CMKLR1: variants seen among roughly 807,000 people sequenced by gnomAD.
The protein encoded by CMKLR1 is chemerin-like receptor 1.
A neutral mutation model predicts 8.2 loss-of-function variants in CMKLR1; 6 were observed. The observed-to-expected ratio is 0.73, with a 90% CI of 0.40 to 1.44. CMKLR1 has a LOEUF of 1.44. CMKLR1 is among the 40% of genes most tolerant of loss of function. The pLI, the probability that CMKLR1 is intolerant of heterozygous loss-of-function variation, is 0.02. For missense variants in CMKLR1, 429 were observed against 478.0 expected (o/e 0.90, Z 0.96); for synonymous variants, 178 against 181.2 (o/e 0.98, Z 0.14).
Position 108,292,770 on chromosome 12 carries a change from CA to C in CMKLR1, c.192del (p.Ile64MetfsTer6). 6.2e-7 allele frequency: 1 copy of C among 1,614,156 alleles called. No individual in the cohort carries two copies. The highest frequency in any genetic ancestry group is 8.5e-7 in the Non-Finnish European group (1 of 1,180,030). On this transcript the variant is annotated frameshift_variant, in exon 4 of 4. Coordinates refer to ENST00000550402, the MANE Select transcript of CMKLR1 (RefSeq NM_001142343.2). LOFTEE classifies it low-confidence loss of function (END_TRUNC). Reference sequence around the variant, plus strand: ...ACTGTCTTCTTCATCTTGAAGGTGGCAATGATGATCACCAGACCATTGCCCA... The same window carrying C: ...ACTGTCTTCTTCATCTTGAAGGTGGCATGATGATCACCAGACCATTGCCCA... ...GILGNGLVII[I>X]ATFKMKKTVN...
At chr12:108,337,559 C>T (rs966984414) in intron 1 of CMKLR1, among the ~76,000 whole-genome samples, 1 of 152,052 alleles carries the variant, frequency 6.6e-6, no homozygotes, top group Admixed American at 6.5e-5. Context: ...GTGGTAGGAG[C>T]CGTGATAAGG....
At chr12:108,329,764 T>G (rs1028871930) in intron 2 of CMKLR1, among the ~76,000 whole-genome samples, 2 of 152,206 alleles carry the variant, frequency 1.3e-5, no homozygotes, top group Admixed American at 6.5e-5. Context: ...CTGTATCCCA[T>G]GCTCCTAGCA....
chr12:108,292,288 G>C lies in CMKLR1; in HGVS notation c.675C>G (p.Phe225Leu), dbSNP rs779501834. The C allele has an allele frequency of 6.2e-7, 1 of 1,614,194 alleles. No homozygotes were observed. Among genetic ancestry groups the C allele is most frequent in the Non-Finnish European group, 8.5e-7 (1 of 1,180,030 alleles). The change falls in exon 4 of 4, where the codon TTC (phenylalanine) becomes TTG (leucine). Residue 225 changes from phenylalanine (F) to leucine (L), a missense_variant. Coordinates refer to ENST00000550402, the MANE Select transcript of CMKLR1 (RefSeq NM_001142343.2). ...GGACTGGGACCAGGAAGCCACAGAG[G>C]AAGCGGGTGACAGTCACCACCATGT... ...SRHMVVTVTR[F>L]LCGFLVPVLI...
intron 1 of CMKLR1, among the ~76,000 whole-genome samples, chr12:108,333,665 G>C (rs1892158464): frequency 6.6e-6 from 1 of 152,180 alleles, no homozygotes; most frequent in Admixed American, 6.5e-5. Context: ...GGCTCAGGAG[G>C]TTAAAGTTCA....
At position 108,293,650 on chromosome 12, in the gene CMKLR1, C is replaced by T; in HGVS notation, c.-59G>A. On this transcript the variant is annotated 5_prime_UTR_variant, in exon 3 of 4. Coordinates refer to ENST00000550402, the MANE Select transcript of CMKLR1 (RefSeq NM_001142343.2). ...AGTCCTCAGCCAATCAGTCCCTGTA[C>T]ACAGCTAGAAACACCTGTAGGGAAA... 7.9e-7 allele frequency: 1 copy of T among 1,262,648 alleles called. No individual in the cohort carries two copies. The highest frequency in any genetic ancestry group is 1.1e-6 in the Non-Finnish European group (1 of 901,070). The allele number at this position is 1,262,648 out of a possible 1,614,324, so 78.2% of individuals were successfully genotyped here. A position where few individuals can be genotyped will look rare whatever the true frequency, so the allele number is the denominator to read the frequency against.
chr12:108,327,797 G>A (rs1447396478), intron 2 of CMKLR1, among the ~76,000 whole-genome samples: 1 of 152,224 alleles, frequency 6.6e-6, no homozygotes, highest in East Asian at 1.9e-4. Flanking sequence ...AAGGCTCTTG[G>A]AAGGAAGAAC....
At chr12:108,333,044 C>T (rs1593181570) in intron 1 of CMKLR1, among the ~76,000 whole-genome samples, 2 of 152,158 alleles carry the variant, frequency 1.3e-5, no homozygotes, top group Non-Finnish European at 2.9e-5. Context: ...ACCACAGGGC[C>T]TGCCCTCTTC....
At chr12:108,335,679 C>G (rs1029739182) in intron 1 of CMKLR1, among the ~76,000 whole-genome samples, 1 of 152,244 alleles carries the variant, frequency 6.6e-6, no homozygotes, top group Admixed American at 6.5e-5. Context: ...GAACTTTGGT[C>G]TCTTAACTCC....
At chr12:108,316,802 G>A (rs1406558022) in intron 2 of CMKLR1, among the ~76,000 whole-genome samples, 1 of 152,108 alleles carries the variant, frequency 6.6e-6, no homozygotes, top group Non-Finnish European at 1.5e-5. Context: ...GAAATGGGTG[G>A]GGCTTTTGCT....
At chr12:108,331,123 G>A (rs1000495860) in intron 1 of CMKLR1, among the ~76,000 whole-genome samples, 5 of 152,148 alleles carry the variant, frequency 3.3e-5, no homozygotes, top group African/African-American at 1.2e-4. Flanking sequence ...GGGATGGAGA[G>A]ACTCAAGCTG....
chr12:108,306,606 C>G (rs572144182), intron 2 of CMKLR1, among the ~76,000 whole-genome samples: 2 of 152,304 alleles, frequency 1.3e-5, no homozygotes, highest in South Asian at 4.1e-4. Context: ...GTACACAGAC[C>G]ATTTTATTCC....
intron 2 of CMKLR1, among the ~76,000 whole-genome samples, chr12:108,321,267 C>T (rs541564953): frequency 6.6e-6 from 1 of 152,186 alleles, no homozygotes; most frequent in South Asian, 2.1e-4. Flanking sequence ...AAACCTCACT[C>T]ATACAAAAAA....
intron 2 of CMKLR1, among the ~76,000 whole-genome samples, chr12:108,324,335 C>T (rs1337857752): frequency 2.0e-5 from 3 of 152,186 alleles, no homozygotes; most frequent in Non-Finnish European, 4.4e-5. Context: ...CAAGCCCTGG[C>T]TCTGCCGCTT....
intron 2 of CMKLR1, among the ~76,000 whole-genome samples, chr12:108,295,202 C>T (rs1891100995): frequency 6.6e-6 from 1 of 152,246 alleles, no homozygotes; most frequent in South Asian, 2.1e-4. Context: ...ATGTTAAGCC[C>T]TCAGTCCAGA....
At chr12:108,296,092 G>A (rs1891126271) in intron 2 of CMKLR1, among the ~76,000 whole-genome samples, 1 of 152,088 alleles carries the variant, frequency 6.6e-6, no homozygotes, top group Non-Finnish European at 1.5e-5. Context: ...GGTTTGCTTT[G>A]AGCCTCTGCT....
chr12:108,299,975 G>T (rs757991166), intron 2 of CMKLR1, among the ~76,000 whole-genome samples: 4 of 152,194 alleles, frequency 2.6e-5, no homozygotes, highest in Non-Finnish European at 2.9e-5. Flanking sequence ...GGGGCACATG[G>T]CATTTATGTG....
chr12:108,325,310 G>C (rs1280037027), intron 2 of CMKLR1, among the ~76,000 whole-genome samples: 2 of 152,190 alleles, frequency 1.3e-5, no homozygotes, highest in East Asian at 3.9e-4. Context: ...TCAATCACCT[G>C]AGAGCATGAA....
chr12:108,295,419 C>G (rs1891108030), intron 2 of CMKLR1, among the ~76,000 whole-genome samples: 1 of 152,242 alleles, frequency 6.6e-6, no homozygotes, highest in Non-Finnish European at 1.5e-5. Context: ...GAAGAAATGA[C>G]CAAGTTGACA....
At position 108,291,609 on chromosome 12, in the gene CMKLR1, C is replaced by T; in HGVS notation, c.*232G>A. ...TTGCTTTGAGTCAGTCAAGGCTGGC[C>T]TCCCAAGAAGCATAAATTGCTAGTC... On this transcript the variant is annotated 3_prime_UTR_variant, in exon 4 of 4. Coordinates refer to ENST00000550402, the MANE Select transcript of CMKLR1 (RefSeq NM_001142343.2). The T allele has an allele frequency of 3.9e-6, 2 of 515,242 alleles. No homozygotes were observed. The highest frequency in any genetic ancestry group is 6.8e-6 in the Non-Finnish European group (2 of 294,178). The allele number at this position is 515,242 out of a possible 1,614,324, so 31.9% of individuals were successfully genotyped here.
Sources: gnomAD v4.1 joint callset for allele counts (sites outside exome capture counted in the v4.1 genomes callset) on GRCh38, gnomAD v4.1.1 for gene constraint, MANE v1.5 for transcripts, NCBI Gene and HGNC (gene_info 2026-07-23, HGNC 2026-07-21) for gene names.